Variants in PPFIBP2 observed in about 807,000 individuals in gnomAD.
PPFIBP2 encodes the protein liprin-beta-2.
Under a neutral mutation model 118.3 loss-of-function variants are expected in PPFIBP2, and 118 were observed. That is an observed-to-expected ratio of 1.00 (90% CI 0.86 to 1.16). The LOEUF (loss-of-function observed/expected upper bound fraction) is 1.16. Ranked by LOEUF, PPFIBP2 falls within the 50% of genes most tolerant of loss-of-function variation. The pLI is 0.00. For missense variants in PPFIBP2, 1,195 were observed against 1,073.1 expected, an observed-to-expected ratio of 1.11 and a Z score of -1.59; for synonymous variants, 414 against 397.4, an observed-to-expected ratio of 1.04 and a Z score of -0.50.
At chr11:7,620,274 CTCA>C (rs1849186649) in intron 6 of PPFIBP2, among the ~76,000 whole-genome samples, 1 of 152,146 alleles carries the variant, frequency 6.6e-6, no homozygotes, top group African/African-American at 2.4e-5. Context: ...ACTTCCCAGC[CTCA>C]TCTTCCACTG....
chr11:7,590,823 T>G (rs913250079), intron 3 of PPFIBP2, among the ~76,000 whole-genome samples: 54 of 152,254 alleles, frequency 3.5e-4, no homozygotes, highest in African/African-American at 1.2e-3. Flanking sequence ...TGAGTTCTAC[T>G]GGGCTCTGTT....
At chr11:7,520,737 G>A (rs956246343) in intron 1 of PPFIBP2, among the ~76,000 whole-genome samples, 1 of 152,158 alleles carries the variant, frequency 6.6e-6, no homozygotes, top group Non-Finnish European at 1.5e-5. Context: ...GTTTATTCCT[G>A]AGTCACTATT....
At chr11:7,567,911 A>T (rs995561631) in intron 3 of PPFIBP2, among the ~76,000 whole-genome samples, 4 of 152,234 alleles carry the variant, frequency 2.6e-5, no homozygotes, top group Non-Finnish European at 5.9e-5. Flanking sequence ...AAGTTTAAGA[A>T]GCGCTGCGTT....
chr11:7,639,669 G>C, intron 14 of PPFIBP2, 63 bp from the exon 15 acceptor site: 1 of 1,607,470 alleles, frequency 6.2e-7, no homozygotes. Context: ...CTGTATCCAA[G>C]GATTTCCTAA....
chr11:7,655,551 G>T, downstream of PPFIBP2: 1 of 1,255,306 alleles, frequency 8.0e-7, no homozygotes. Flanking sequence ...GAGGCCCAGT[G>T]AGTTTGGTGT....
chr11:7,603,306 T>A (rs1846902564), intron 5 of PPFIBP2, among the ~76,000 whole-genome samples: 1 of 152,234 alleles, frequency 6.6e-6, no homozygotes, highest in Non-Finnish European at 1.5e-5. Flanking sequence ...GTAGATACTT[T>A]AACTCCATTT....
intron 4 of PPFIBP2, 125 bp from the exon 5 acceptor site, chr11:7,597,435 A>G: frequency 2.6e-5 from 40 of 1,540,430 alleles, no homozygotes; most frequent in Non-Finnish European, 3.4e-5. Context: ...ACTCAGCAAA[A>G]ATCAAAATCG....
chr11:7,524,669 G>T (rs1370351912), intron 1 of PPFIBP2, among the ~76,000 whole-genome samples: 4 of 151,582 alleles, frequency 2.6e-5, no homozygotes, highest in Non-Finnish European at 5.9e-5. Flanking sequence ...GGAAGATCAG[G>T]ATCAGGCACA....
At chr11:7,660,655 G>A (rs1323340989), downstream of PPFIBP2, among the ~76,000 whole-genome samples, 1 of 151,332 alleles carries the variant, frequency 6.6e-6, no homozygotes, top group African/African-American at 2.4e-5. Flanking sequence ...AATGATGCTG[G>A]CCTCATAAAA....
At position 7,651,641 on chromosome 11, in the gene PPFIBP2, CT is replaced by C; in HGVS notation, c.2248-14del. On this transcript the variant is annotated splice_polypyrimidine_tract_variant and intron_variant, in intron 22 of 23. Coordinates refer to ENST00000299492, the MANE Select transcript of PPFIBP2 (RefSeq NM_003621.5). ...TATTTGCTCCTGGCCAGGCTTGTCT[CT>C]GGTTCCTTCTTAGATCCTGGAGCCA... 1 of 1,590,134 alleles carries C rather than the reference CT, an allele frequency of 6.3e-7. No homozygotes were observed. Among genetic ancestry groups the C allele is most frequent in the East Asian group, 2.3e-5 (1 of 44,386 alleles).
chr11:7,580,097 C>CG (rs1857044800), intron 3 of PPFIBP2, among the ~76,000 whole-genome samples: 2 of 152,146 alleles, frequency 1.3e-5, no homozygotes, highest in Non-Finnish European at 2.9e-5. Context: ...CTCAACTTAC[C>CG]TTTTTAGTTT....
chr11:7,607,003 C>G (rs1490694497), intron 5 of PPFIBP2, among the ~76,000 whole-genome samples: 1 of 144,158 alleles, frequency 6.9e-6, no homozygotes, highest in Admixed American at 7.3e-5. Flanking sequence ...CTCTGCCTCC[C>G]AGGTTCACGC....
intron 7 of PPFIBP2, among the ~76,000 whole-genome samples, chr11:7,622,728 G>C (rs1849498997): frequency 1.3e-5 from 2 of 152,138 alleles, no homozygotes; most frequent in Non-Finnish European, 2.9e-5. Context: ...AGTTTTGTAT[G>C]TGTATGCTTC....
At chr11:7,572,426 C>A (rs1374743541) in intron 3 of PPFIBP2, among the ~76,000 whole-genome samples, 1 of 152,206 alleles carries the variant, frequency 6.6e-6, no homozygotes, top group African/African-American at 2.4e-5. Context: ...CAATCCGGCT[C>A]CTTTCAGACC....
chr11:7,598,329 T>C (rs754660950), intron 5 of PPFIBP2: 3 of 259,602 alleles, frequency 1.2e-5, no homozygotes, highest in African/African-American at 2.3e-5. Context: ...TCATCTTTAC[T>C]ATCACCTATA....
At chr11:7,555,570 C>T (rs532987801) in intron 2 of PPFIBP2, among the ~76,000 whole-genome samples, 8 of 152,284 alleles carry the variant, frequency 5.3e-5, no homozygotes, top group Admixed American at 2.0e-4. Flanking sequence ...GTATCGGACT[C>T]GCTGTTTCCC....
Position 7,629,531 on chromosome 11 carries a change from C to T in PPFIBP2, c.961C>T (p.Gln321Ter), listed in dbSNP as rs749845413. The T allele has an allele frequency of 7.4e-6, 12 of 1,613,872 alleles. No individual in the cohort carries two copies. In the Admixed American group the frequency reaches 1.8e-4, roughly 25 times the overall value. ...RKVKEIVMVTQGPSERTLSIN... is the reference protein window; with the variant it reads ...RKVKEIVMVT ...GGTAAAGGAGATTGTGATGGTCACT[C>T]AAGGTAAGAGCAAGGGCGATCCTAC... is the stretch of plus-strand genomic sequence containing the variant. The change falls in exon 10 of 24, where the codon CAA (glutamine) becomes TAA (stop). Residue 321 changes from glutamine to a stop codon, truncating the protein, a stop_gained. Transcript: ENST00000299492. LOFTEE classifies it high-confidence loss of function.
intron 17 of PPFIBP2, 109 bp from the exon 18 acceptor site, chr11:7,648,278 G>T (rs1590801141): frequency 7.6e-7 from 1 of 1,310,432 alleles, no homozygotes; most frequent in Non-Finnish European, 1.0e-6. Context: ...TAAAAAACAG[G>T]TTTTTTGTTT....
chr11:7,632,655 G>A (rs774259402), intron 11 of PPFIBP2: 1 of 500,874 alleles, frequency 2.0e-6, no homozygotes, highest in African/African-American at 1.9e-5. Flanking sequence ...TAGGGTCCAG[G>A]AAGGAGAGGC....
Sources: gnomAD v4.1 joint callset for allele counts (sites outside exome capture counted in the v4.1 genomes callset) on GRCh38, gnomAD v4.1.1 for gene constraint, MANE v1.5 for transcripts, NCBI Gene and HGNC (gene_info 2026-07-23, HGNC 2026-07-21) for gene names.